The following ITGA1 variants were observed in gnomAD, a reference collection of about 807,000 sequenced individuals.
The protein encoded by ITGA1 is integrin subunit alpha 1, also known as integrin alpha-1.
ITGA1 carries 85 observed loss-of-function variants against 145.9 expected under a neutral mutation model. That is an observed-to-expected ratio of 0.58 (90% CI 0.49 to 0.70). The LOEUF is 0.70. Among genes scored for constraint, ITGA1 ranks in the 30% least tolerant of loss-of-function variants. The pLI, the probability that ITGA1 is intolerant of heterozygous loss-of-function variation, is 0.00. For synonymous variants in ITGA1, 520 were observed against 495.3 expected (o/e 1.05, Z -0.66); for missense variants, 1,351 against 1,418.7 (o/e 0.95, Z 0.77).
At chr5:52,898,462 A>G (rs541917474) in intron 11 of ITGA1, 79 bp downstream of exon 11, 12 of 1,259,626 alleles carry the variant, frequency 9.5e-6, no homozygotes, top group East Asian at 7.2e-5. Context: ...TTATGTTTCT[A>G]TAGGCTTGCA....
chr5:52,863,663 G>C (rs1749641466), intron 3 of ITGA1, among the ~76,000 whole-genome samples: 1 of 152,038 alleles, frequency 6.6e-6, no homozygotes, highest in South Asian at 2.1e-4. Context: ...TTGCAGAGGA[G>C]CTGTTTTGTT....
intron 27 of ITGA1, among the ~76,000 whole-genome samples, 157 bp from the exon 28 acceptor site, chr5:52,947,188 T>C (rs1384109248): frequency 6.6e-6 from 1 of 152,188 alleles, no homozygotes; most frequent in Non-Finnish European, 1.5e-5. Context: ...AGATTTAGAC[T>C]AGATGAAGAG....
At chr5:52,872,075 G>A (rs972729439) in intron 6 of ITGA1, among the ~76,000 whole-genome samples, 2 of 151,966 alleles carry the variant, frequency 1.3e-5, no homozygotes, top group Non-Finnish European at 1.5e-5. Context: ...ATATACTAAC[G>A]GAACAATGTC....
intron 1 of ITGA1, among the ~76,000 whole-genome samples, chr5:52,811,592 C>G (rs1352906152): frequency 6.6e-6 from 1 of 152,144 alleles, no homozygotes; most frequent in Non-Finnish European, 1.5e-5. Context: ...GCCAAACACT[C>G]CCCTATTTTT....
chr5:52,820,103 G>A (rs1054891702), intron 1 of ITGA1, among the ~76,000 whole-genome samples: 1 of 151,716 alleles, frequency 6.6e-6, no homozygotes, highest in South Asian at 2.1e-4. Context: ...TTGTTCTTTT[G>A]GCTTAGGATT....
At chr5:52,924,520 G>A (rs1232375078) in intron 18 of ITGA1, among the ~76,000 whole-genome samples, 1 of 152,272 alleles carries the variant, frequency 6.6e-6, no homozygotes, top group Admixed American at 6.5e-5. Context: ...CAGGGGCCGG[G>A]TCATTCGGGA....
chr5:52,878,030 TGGA>T (rs1406861437), intron 6 of ITGA1, among the ~76,000 whole-genome samples: 1 of 152,148 alleles, frequency 6.6e-6, no homozygotes, highest in Non-Finnish European at 1.5e-5. Flanking sequence ...TAATTTCAAG[TGGA>T]ATCCAGGCCT....
chr5:52,937,846 A>G (rs1750993882), intron 24 of ITGA1, among the ~76,000 whole-genome samples: 1 of 152,106 alleles, frequency 6.6e-6, no homozygotes, highest in Non-Finnish European at 1.5e-5. Context: ...GCTTCTGGTG[A>G]CAACTGGCAA....
chr5:52,792,970 C>A (rs570896453), intron 1 of ITGA1, among the ~76,000 whole-genome samples: 1 of 152,222 alleles, frequency 6.6e-6, no homozygotes, highest in East Asian at 1.9e-4. Context: ...GATTATTGAG[C>A]TTCTTTCAGC....
intron 14 of ITGA1, among the ~76,000 whole-genome samples, chr5:52,911,343 G>GTA (rs1392892509): frequency 7.7e-6 from 1 of 130,178 alleles, no homozygotes; most frequent in Non-Finnish European, 1.5e-5. Flanking sequence ...TGTATATATA[G>GTA]TATATAGTGT....
At chr5:52,920,255 C>G (rs1206074772) in intron 16 of ITGA1, 77 bp from the exon 17 acceptor site, 1 of 1,122,968 alleles carries the variant, frequency 8.9e-7, no homozygotes, top group Middle Eastern at 2.2e-4. Context: ...TTCTATAATG[C>G]TAATTTAATA....
intron 1 of ITGA1, among the ~76,000 whole-genome samples, chr5:52,832,206 G>A (rs1387370092): frequency 6.6e-6 from 1 of 152,036 alleles, no homozygotes; most frequent in Non-Finnish European, 1.5e-5. Flanking sequence ...TCTCCACCAA[G>A]ACAAGAGCCT....
rs963995725 is a variant in ITGA1 at position 52,842,603 on chromosome 5, A to G, written c.62-6762A>G. ...TTTCTTGCAGCAATTAATACCTGAA[A>G]GTTATTTGTAAGCTCATTTCAAATG... On this transcript the variant is annotated intron_variant, in intron 1 of 28. Coordinates refer to ENST00000282588, the MANE Select transcript of ITGA1 (RefSeq NM_181501.2). Among the ~76,000 whole-genome samples the G allele has an allele frequency of 4.0e-5, 6 of 151,588 alleles. No individual in the cohort carries two copies. The South Asian group carries it at 6.2e-4, about 16-fold the overall frequency.
chr5:52,792,778 T>G (rs551129420), intron 1 of ITGA1, among the ~76,000 whole-genome samples: 2 of 152,146 alleles, frequency 1.3e-5, no homozygotes, highest in Non-Finnish European at 2.9e-5. Flanking sequence ...TACAAAATAG[T>G]GTACTCAAAT....
chr5:52,808,672 C>CTTT (rs1440077635), intron 1 of ITGA1, among the ~76,000 whole-genome samples: 1 of 42,348 alleles, frequency 2.4e-5, no homozygotes, highest in Non-Finnish European at 4.9e-5. Flanking sequence ...TTCTTTCTTT[C>CTTT]TTTCTTTTTT....
At chr5:52,845,250 G>A (rs931425674) in intron 1 of ITGA1, among the ~76,000 whole-genome samples, 2 of 152,094 alleles carry the variant, frequency 1.3e-5, no homozygotes, top group Non-Finnish European at 2.9e-5. Flanking sequence ...TCCTTCAGGG[G>A]GGTGAAATTG....
intron 6 of ITGA1, among the ~76,000 whole-genome samples, chr5:52,873,068 T>C (rs1749803813): frequency 6.6e-6 from 1 of 152,198 alleles, no homozygotes; most frequent in South Asian, 2.1e-4. Context: ...GCACATGACA[T>C]GAGCCATTTA....
intron 1 of ITGA1, among the ~76,000 whole-genome samples, chr5:52,847,498 C>T (rs772645118): frequency 6.6e-6 from 1 of 152,058 alleles, no homozygotes; most frequent in Non-Finnish European, 1.5e-5. Flanking sequence ...CTGAATGTAC[C>T]TGATGAGGCT....
chr5:52,829,280 C>A (rs1037846703), intron 1 of ITGA1, among the ~76,000 whole-genome samples: 11 of 152,098 alleles, frequency 7.2e-5, no homozygotes, highest in African/African-American at 2.7e-4. Context: ...AATCCCAGCA[C>A]TTTGGGAGGC....
Sources: gnomAD v4.1 joint callset for allele counts (sites outside exome capture counted in the v4.1 genomes callset) on GRCh38, gnomAD v4.1.1 for gene constraint, MANE v1.5 for transcripts, NCBI Gene and HGNC (gene_info 2026-07-23, HGNC 2026-07-21) for gene names.